The following CPA6 variants were observed in gnomAD, a reference collection of about 807,000 sequenced individuals.
CPA6 encodes the protein carboxypeptidase A6, also known as carboxypeptidase B.
CPA6 carries 58 observed loss-of-function variants against 63.3 expected under a neutral mutation model. The observed-to-expected ratio is 0.92, with a 90% CI of 0.74 to 1.14. The LOEUF (loss-of-function observed/expected upper bound fraction) is 1.14. Ranked by LOEUF, CPA6 falls within the 50% of genes most tolerant of loss-of-function variation. CPA6 has a pLI of 0.00. For synonymous variants in CPA6, 185 were observed against 179.0 expected, an observed-to-expected ratio of 1.03 and a Z score of -0.27; for missense variants, 565 against 526.6, an observed-to-expected ratio of 1.07 and a Z score of -0.71.
At chr8:67,463,225 C>G (rs999324057) in intron 8 of CPA6, among the ~76,000 whole-genome samples, 2 of 152,070 alleles carry the variant, frequency 1.3e-5, no homozygotes, top group African/African-American at 4.8e-5. Flanking sequence ...GGGCGGATCA[C>G]TTGAGGTCAG....
At chr8:67,664,114 T>G (rs966102025) in intron 1 of CPA6, among the ~76,000 whole-genome samples, 1 of 152,218 alleles carries the variant, frequency 6.6e-6, no homozygotes, top group African/African-American at 2.4e-5. Context: ...ATTCATTCAT[T>G]GTGGTGGTCT....
At chr8:67,563,024 G>T (rs13258655) in intron 2 of CPA6, among the ~76,000 whole-genome samples, 1 of 151,942 alleles carries the variant, frequency 6.6e-6, no homozygotes, top group African/African-American at 2.4e-5. Flanking sequence ...CAGGGCAGAT[G>T]ATGGGTCTCC....
Position 67,537,134 on chromosome 8 carries a change from A to G in CPA6, c.193-19087T>C, listed in dbSNP as rs555331094. 5.3e-5 allele frequency among the ~76,000 whole-genome samples: 8 copies of G among 152,338 alleles called. No individual in the cohort carries two copies. In the South Asian group the frequency reaches 1.4e-3, roughly 28 times the overall value. On this transcript the variant is annotated intron_variant, in intron 2 of 10. Coordinates refer to ENST00000297770, the MANE Select transcript of CPA6 (RefSeq NM_020361.5). ...GAGGATTTTCACATCGATGTTCATC[A>G]GGGATATTGACCTGAAATTTTCTTT... is the stretch of plus-strand genomic sequence containing the variant.
chr8:67,470,462 T>C (rs1811033245), intron 8 of CPA6, among the ~76,000 whole-genome samples: 1 of 152,206 alleles, frequency 6.6e-6, no homozygotes, highest in South Asian at 2.1e-4. Flanking sequence ...AGATAAATGT[T>C]ACACTGTTTT....
intron 1 of CPA6, among the ~76,000 whole-genome samples, chr8:67,667,240 G>A (rs576347707): frequency 2.3e-4 from 35 of 151,574 alleles, no homozygotes; most frequent in African/African-American, 8.1e-4. Context: ...ATGTCATTTC[G>A]GATTGGGGTG....
intron 8 of CPA6, among the ~76,000 whole-genome samples, chr8:67,438,769 A>AG (rs1347395538): frequency 1.3e-5 from 2 of 151,512 alleles, no homozygotes; most frequent in East Asian, 1.9e-4. Flanking sequence ...ATTGATGGAA[A>AG]ATAAAGAGGG....
chr8:67,568,245 A>C (rs1359972426), intron 2 of CPA6, among the ~76,000 whole-genome samples: 1 of 152,206 alleles, frequency 6.6e-6, no homozygotes, highest in African/African-American at 2.4e-5. Flanking sequence ...AGGATTACAA[A>C]GATTTAGGAA....
In CPA6 at chr8:67,733,221, A is replaced by AT. The variant is rs1817747189; in HGVS notation, c.116+12792_116+12793insA. ...CAAAAAAAAAAAAAAAAAAAAAAAA[A>AT]AAATAAAAAAATTTAGCGTCTATCA... is the stretch of plus-strand genomic sequence containing the variant. On this transcript the variant is annotated intron_variant, in intron 1 of 10. Coordinates refer to ENST00000297770, the MANE Select transcript of CPA6 (RefSeq NM_020361.5). 1.5e-3 allele frequency among the ~76,000 whole-genome samples: 129 copies of AT among 83,442 alleles called. 4 individuals carry two copies. The South Asian group carries it at 0.041, about 27-fold the overall frequency. The allele number at this position is 83,442 out of a possible 152,430, so 54.7% of individuals were successfully genotyped here. A position where few individuals can be genotyped will look rare whatever the true frequency, so the allele number is the denominator to read the frequency against.
chr8:67,738,636 A>G (rs1478309986), intron 1 of CPA6, among the ~76,000 whole-genome samples: 1 of 152,242 alleles, frequency 6.6e-6, no homozygotes, highest in African/African-American at 2.4e-5. Flanking sequence ...CTGGAAAAAA[A>G]AAGAACAAAG....
intron 3 of CPA6, among the ~76,000 whole-genome samples, chr8:67,514,026 T>C (rs890815194): frequency 2.0e-5 from 3 of 151,654 alleles, no homozygotes; most frequent in Admixed American, 1.3e-4. Flanking sequence ...TGGCGTGAAC[T>C]CGGCTCACTG....
Position 67,434,134 on chromosome 8 carries a change from C to A in CPA6, c.945G>T (p.Lys315Asn), listed in dbSNP as rs149196398. 3 of 1,613,942 alleles carry A rather than the reference C, an allele frequency of 1.9e-6. No homozygotes were observed. In the African/African-American group the frequency reaches 4.0e-5, roughly 22 times the overall value. ...AVANFLRKHR[K>N]HIRAYLSFHA... is the part of the protein sequence containing the mutation. ...GAAAGGAGAGATAAGCCCTAATGTGCTTTCTGTGTTTTCGAAGGAAGTTAG... is the reference window on the plus strand; with the variant it reads ...GAAAGGAGAGATAAGCCCTAATGTGATTTCTGTGTTTTCGAAGGAAGTTAG... The change falls in exon 9 of 11, where the codon AAG becomes AAT. Residue 315 changes from lysine (K) to asparagine (N), a missense_variant. Lys to Asn is a moderately conservative substitution (Grantham distance 94). Coordinates refer to ENST00000297770, the MANE Select transcript of CPA6 (RefSeq NM_020361.5).
intron 1 of CPA6, among the ~76,000 whole-genome samples, chr8:67,640,998 G>C (rs866008340): frequency 2.0e-5 from 3 of 151,692 alleles, no homozygotes; most frequent in Non-Finnish European, 2.9e-5. Context: ...GCCATGCAAG[G>C]GTGCGGGTCA....
intron 1 of CPA6, among the ~76,000 whole-genome samples, chr8:67,656,279 A>G (rs76442688): frequency 0.013 from 1,987 of 152,246 alleles, 45 homozygotes; most frequent in African/African-American, 0.045. Context: ...AAACCATTCT[A>G]CTTTCCCATG....
intron 1 of CPA6, among the ~76,000 whole-genome samples, chr8:67,674,939 C>T (rs944273294): frequency 1.6e-4 from 25 of 152,204 alleles, no homozygotes; most frequent in Admixed American, 4.6e-4. Context: ...CCAAATACCA[C>T]GTGTTCTCAC....
At chr8:67,549,144 G>A (rs561477834) in intron 2 of CPA6, among the ~76,000 whole-genome samples, 1 of 152,182 alleles carries the variant, frequency 6.6e-6, no homozygotes, top group African/African-American at 2.4e-5. Context: ...AGGAAGAGAA[G>A]GCTTTTAAAA....
intron 1 of CPA6, among the ~76,000 whole-genome samples, chr8:67,679,379 C>G (rs1001138540): frequency 6.6e-6 from 1 of 152,136 alleles, no homozygotes; most frequent in African/African-American, 2.4e-5. Context: ...AAAAACCTTA[C>G]TTGACATTTG....
At chr8:67,539,310 C>A (rs565227393) in intron 2 of CPA6, among the ~76,000 whole-genome samples, 2 of 152,108 alleles carry the variant, frequency 1.3e-5, no homozygotes, top group South Asian at 4.1e-4. Flanking sequence ...TCTTTAAGAA[C>A]GTTGAATATT....
At position 67,603,320 on chromosome 8, in the gene CPA6, A is replaced by AT. The variant is rs542972969; in HGVS notation, c.192+20855dup. On this transcript the variant is annotated intron_variant, in intron 2 of 10. Transcript: ENST00000297770. ...GTCCCAAACTGTTTTAATTTTAACAATTTTTTTTTTTTACAAAATTCTTTG... is the reference window on the plus strand; with the variant it reads ...GTCCCAAACTGTTTTAATTTTAACAATTTTTTTTTTTTTACAAAATTCTTTG... Among the ~76,000 whole-genome samples the AT allele has an allele frequency of 2.4e-3, 353 of 147,776 alleles. 1 individual carries two copies. The highest frequency in any genetic ancestry group is 8.0e-3 in the East Asian group (41 of 5,106).
At chr8:67,714,308 A>G (rs1420737298) in intron 1 of CPA6, among the ~76,000 whole-genome samples, 1 of 152,200 alleles carries the variant, frequency 6.6e-6, no homozygotes, top group East Asian at 1.9e-4. Flanking sequence ...ATTTGCCCCA[A>G]CTGAGGAGAA....
Sources: gnomAD v4.1 joint callset for allele counts (sites outside exome capture counted in the v4.1 genomes callset) on GRCh38, gnomAD v4.1.1 for gene constraint, MANE v1.5 for transcripts, NCBI Gene and HGNC (gene_info 2026-07-23, HGNC 2026-07-21) for gene names.